The following HPSE2 variants were observed in gnomAD, a reference collection of about 807,000 sequenced individuals.
The protein encoded by HPSE2 is inactive heparanase-2.
A neutral mutation model predicts 60.5 loss-of-function variants in HPSE2; 38 were observed. The ratio of observed to expected loss-of-function variants is 0.63; its 90% CI spans 0.48 to 0.82. The LOEUF (loss-of-function observed/expected upper bound fraction) is 0.82, where lower values mean the gene tolerates loss of function less well. Ranked by LOEUF, HPSE2 falls within the 40% of genes least tolerant of loss-of-function variation. HPSE2 has a pLI of 0.00. For synonymous variants in HPSE2, 295 were observed against 293.2 expected (o/e 1.01, Z -0.06); for missense variants, 713 against 740.4 (o/e 0.96, Z 0.43).
At chr10:98,952,384 T>C (rs1259033603) in intron 3 of HPSE2, among the ~76,000 whole-genome samples, 1 of 149,068 alleles carries the variant, frequency 6.7e-6, no homozygotes, top group African/African-American at 2.5e-5. Flanking sequence ...TAGGGCAAAA[T>C]GGGCAAGGGT....
intron 10 of HPSE2, among the ~76,000 whole-genome samples, chr10:98,485,570 G>A (rs577862587): frequency 8.6e-5 from 13 of 151,874 alleles, no homozygotes; most frequent in Admixed American, 4.6e-4. Context: ...TCTGAAGAAG[G>A]ATGCTGGCAG....
intron 3 of HPSE2, among the ~76,000 whole-genome samples, chr10:98,801,889 C>A: frequency 6.6e-6 from 1 of 152,000 alleles, no homozygotes; most frequent in East Asian, 1.9e-4. Flanking sequence ...GCCGAACCTA[C>A]CCTGGGCAAA....
intron 3 of HPSE2, among the ~76,000 whole-genome samples, chr10:99,101,018 C>G (rs1403915139): frequency 6.6e-6 from 1 of 152,178 alleles, no homozygotes; most frequent in Non-Finnish European, 1.5e-5. Flanking sequence ...CAACCGGTAC[C>G]AGCCACTGCA....
intron 3 of HPSE2, chr10:99,047,537 A>G: frequency 2.0e-6 from 1 of 495,862 alleles, no homozygotes; most frequent in Non-Finnish European, 3.6e-6. Context: ...GACAACCTAC[A>G]CGATAGGAGA....
chr10:99,254,611 C>G, the HPSE2 span, among the ~76,000 whole-genome samples: 1 of 152,128 alleles, frequency 6.6e-6, no homozygotes, highest in East Asian at 1.9e-4. Flanking sequence ...GTAATTTAAT[C>G]TTGACTGAAA....
At chr10:98,781,287 C>CTTTT (rs1247238028) in intron 3 of HPSE2, among the ~76,000 whole-genome samples, 22 of 132,596 alleles carry the variant, frequency 1.7e-4, no homozygotes, top group African/African-American at 5.7e-4. Flanking sequence ...ATATCCACTT[C>CTTTT]TTTTTTTTTT....
chr10:98,551,270 G>A (rs192000140), intron 9 of HPSE2, among the ~76,000 whole-genome samples: 36 of 152,226 alleles, frequency 2.4e-4, no homozygotes, highest in African/African-American at 7.0e-4. Context: ...TACTGACAGC[G>A]CTGCAGAAAA....
At chr10:99,293,280 G>A in the HPSE2 span, among the ~76,000 whole-genome samples, 1 of 152,186 alleles carries the variant, frequency 6.6e-6, no homozygotes, top group Non-Finnish European at 1.5e-5. Context: ...TGATCATATA[G>A]CAAATGGTAT....
At chr10:98,839,753 G>C (rs1951868288) in intron 3 of HPSE2, among the ~76,000 whole-genome samples, 2 of 152,136 alleles carry the variant, frequency 1.3e-5, no homozygotes, top group Non-Finnish European at 2.9e-5. Context: ...GAGCTCTCCT[G>C]ACAATGCACA....
intron 3 of HPSE2, among the ~76,000 whole-genome samples, chr10:98,940,709 G>A (rs200335684): frequency 0.13 from 17,677 of 140,186 alleles, 2,546 homozygotes; most frequent in South Asian, 0.21. Context: ...TAGAAAAAGA[G>A]GGAATCCTCC....
At chr10:98,851,872 T>A (rs1024428138) in intron 3 of HPSE2, among the ~76,000 whole-genome samples, 2 of 152,128 alleles carry the variant, frequency 1.3e-5, no homozygotes, top group Non-Finnish European at 2.9e-5. Flanking sequence ...CAAAACCAGG[T>A]TGGTAATGCT....
chr10:98,467,957 C>T (rs1459795747), intron 11 of HPSE2, among the ~76,000 whole-genome samples: 1 of 152,244 alleles, frequency 6.6e-6, no homozygotes, highest in Admixed American at 6.5e-5. Context: ...TCTGCGGCGC[C>T]CGCCACGACT....
the HPSE2 span, among the ~76,000 whole-genome samples, chr10:99,240,950 T>C: frequency 1.1e-4 from 17 of 152,230 alleles, no homozygotes; most frequent in Non-Finnish European, 1.9e-4. Context: ...CAGTCCACTG[T>C]GTCCTCACTT....
chr10:99,228,578 A>C lies in HPSE2; in HGVS notation c.448+3770T>G, dbSNP rs185414653. Among the ~76,000 whole-genome samples the C allele has an allele frequency of 8.7e-3, 1,327 of 152,332 alleles. 12 individuals are homozygous for C. The highest frequency in any genetic ancestry group is 0.013 in the Admixed American group (202 of 15,298). ...TTGAGAGCAGGTAAAGCATAACATT[A>C]CATAGAACAAAAAGGAAGTTAGGCA... On this transcript the variant is annotated intron_variant, in intron 2 of 11. Transcript: ENST00000370552.
At chr10:98,553,295 T>C (rs1199255331) in intron 9 of HPSE2, among the ~76,000 whole-genome samples, 1 of 152,196 alleles carries the variant, frequency 6.6e-6, no homozygotes, top group Non-Finnish European at 1.5e-5. Flanking sequence ...GAGAACACTG[T>C]TCATACACAT....
In HPSE2 at chr10:99,132,430, G is replaced by A. The variant is rs1180390662; in HGVS notation, c.610+11808C>T. On this transcript the variant is annotated intron_variant, in intron 3 of 11. Transcript: ENST00000370552. ...AGAATCACAAGAATCATTTAAAAGA[G>A]GCTGAATGGGGGATTGCTGGCAAGA... is the stretch of plus-strand genomic sequence containing the variant. Among the ~76,000 whole-genome samples the A allele has an allele frequency of 2.6e-5, 4 of 152,192 alleles. No individual in the cohort carries two copies. The East Asian group carries it at 7.7e-4, about 29-fold the overall frequency.
intron 3 of HPSE2, among the ~76,000 whole-genome samples, chr10:98,836,795 C>T (rs1220169079): frequency 1.3e-5 from 2 of 152,190 alleles, no homozygotes; most frequent in East Asian, 3.9e-4. Context: ...AATCCCAGCA[C>T]TTTCGGAGGC....
intron 9 of HPSE2, among the ~76,000 whole-genome samples, chr10:98,510,121 T>C (rs914180254): frequency 3.9e-5 from 6 of 152,334 alleles, no homozygotes; most frequent in Non-Finnish European, 7.4e-5. Context: ...GTTCTGAAGT[T>C]TTTTTAATCA....
At chr10:98,881,078 T>C (rs1285557216) in intron 3 of HPSE2, among the ~76,000 whole-genome samples, 1 of 152,052 alleles carries the variant, frequency 6.6e-6, no homozygotes, top group Non-Finnish European at 1.5e-5. Context: ...TGCCCAGAAG[T>C]ATAGCTTTGT....
Sources: gnomAD v4.1 joint callset for allele counts (sites outside exome capture counted in the v4.1 genomes callset) on GRCh38, gnomAD v4.1.1 for gene constraint, MANE v1.5 for transcripts, NCBI Gene and HGNC (gene_info 2026-07-23, HGNC 2026-07-21) for gene names.